Variants in GREB1 observed in about 807,000 individuals in gnomAD.
GREB1 encodes the protein growth regulating estrogen receptor binding 1.
A neutral mutation model predicts 200.7 loss-of-function variants in GREB1; 106 were observed. That is an observed-to-expected ratio of 0.53 (90% CI 0.45 to 0.62). The LOEUF (loss-of-function observed/expected upper bound fraction) is 0.62. Ranked by LOEUF, GREB1 falls within the 20% of genes least tolerant of loss-of-function variation. GREB1 has a pLI of 0.00. For missense variants in GREB1, 2,243 were observed against 2,556.8 expected, an observed-to-expected ratio of 0.88 and a Z score of 2.65; for synonymous variants, 1,132 against 1,092.4, an observed-to-expected ratio of 1.04 and a Z score of -0.72.
intron 11 of GREB1, among the ~76,000 whole-genome samples, chr2:11,593,415 C>G (rs1222712980): frequency 8.0e-6 from 1 of 124,228 alleles, no homozygotes; most frequent in African/African-American, 3.2e-5. Context: ...TCACTCACAC[C>G]AGGATGGCCC....
chr2:11,590,648 G>A (rs1042918028), intron 10 of GREB1, among the ~76,000 whole-genome samples: 7 of 152,108 alleles, frequency 4.6e-5, no homozygotes, highest in Non-Finnish European at 1.0e-4. Flanking sequence ...TTTATCTTTA[G>A]GCACCAGGAA....
chr2:11,547,975 A>C (rs948203815), intron 1 of GREB1, among the ~76,000 whole-genome samples: 2 of 152,134 alleles, frequency 1.3e-5, no homozygotes, highest in African/African-American at 2.4e-5. Context: ...TGAGCCGAGG[A>C]GTTTGAGACC....
At chr2:11,626,925 T>C in intron 24 of GREB1, 37 bp from the exon 25 acceptor site, 2 of 1,612,220 alleles carry the variant, frequency 1.2e-6, no homozygotes, top group East Asian at 4.5e-5. Flanking sequence ...TTTGCTTTGC[T>C]CCCTGCTGCT....
intron 11 of GREB1, among the ~76,000 whole-genome samples, chr2:11,594,029 G>C (rs775362337): frequency 5.9e-5 from 9 of 151,946 alleles, no homozygotes; most frequent in African/African-American, 2.2e-4. Flanking sequence ...TTTGAGACAG[G>C]GTCTTGCTTT....
rs571581050 is a variant in GREB1, at chr2:11,514,277, G to A, written c.-159+31896G>A. On this transcript the variant is annotated intron_variant, in intron 1 of 2. Coordinates refer to the GREB1 transcript ENST00000628795. ...TCTTTTAAACAACACTGCTCTGTAC[G>A]TATTACCATGTTACCTACGTAAATA... 6.6e-5 allele frequency among the ~76,000 whole-genome samples: 10 copies of A among 152,308 alleles called. No homozygotes were observed. The East Asian group carries it at 1.4e-3, about 21-fold the overall frequency.
intron 17 of GREB1, among the ~76,000 whole-genome samples, chr2:11,608,335 T>C (rs1022670133): frequency 6.6e-6 from 1 of 152,266 alleles, no homozygotes; most frequent in African/African-American, 2.4e-5. Context: ...TTAATTTTGC[T>C]GTCTGCAAAT....
chr2:11,637,779 A>G lies in GREB1; in HGVS notation c.5410A>G (p.Thr1804Ala), dbSNP rs1336456271. 21 of 1,614,048 alleles carry G rather than the reference A, an allele frequency of 1.3e-5. No homozygotes were observed. The highest frequency in any genetic ancestry group is 1.7e-5 in the Non-Finnish European group (20 of 1,180,004). The change falls in exon 31 of 33, where the codon ACG (threonine) becomes GCG (alanine). Residue 1804 changes from threonine (T) to alanine (A), a missense_variant. By Grantham distance (58) the Thr-to-Ala change is moderately conservative (BLOSUM62 0). This residue lies in a region of GREB1 where 478 missense variants were observed against 616.3 expected (regional missense o/e 0.78). Coordinates refer to ENST00000381486, the MANE Select transcript of GREB1 (RefSeq NM_014668.4). ...QYICAPDSKH[T>A]FLAAPAQLLL... ...CATCTGTGCCCCGGACAGCAAGCAC[A>G]CGTTCCTCGCAGCGCCCGCCCAGCT...
At position 11,587,687 on chromosome 2, in the gene GREB1, A is replaced by C. The variant is rs918848123; in HGVS notation, c.1160-1059A>C. 1.0e-5 allele frequency: 13 copies of C among 1,298,706 alleles called. No homozygotes were observed. The African/African-American group carries it at 1.8e-4, about 18-fold the overall frequency. 80.4% of individuals were successfully genotyped at this position (1,298,706 alleles called of 1,614,324 possible). On this transcript the variant is annotated intron_variant, in intron 9 of 32. Coordinates refer to ENST00000381486, the MANE Select transcript of GREB1 (RefSeq NM_014668.4). The stretch of plus-strand genomic sequence containing the variant: ...GGTGACTAAATGGAGTACCTGGAGT[A>C]CAAGATAACACACACACACACACAC...
intron 22 of GREB1, among the ~76,000 whole-genome samples, chr2:11,620,001 G>A (rs1485318703): frequency 2.6e-5 from 4 of 152,192 alleles, no homozygotes; most frequent in South Asian, 2.1e-4. Flanking sequence ...TTTTTCAGAC[G>A]GAGTCTCGCT....
intron 1 of GREB1, among the ~76,000 whole-genome samples, chr2:11,515,852 G>T (rs1295854927): frequency 2.6e-5 from 4 of 152,220 alleles, no homozygotes; most frequent in Non-Finnish European, 4.4e-5. Flanking sequence ...CCTAGGGGTA[G>T]AGTAAATTCT....
chr2:11,552,839 G>A lies in GREB1; in HGVS notation c.-161-3615G>A, dbSNP rs371976189. ...ATCCTGGCTAACACGGTGAAACCCC[G>A]TCTCTACTAAAAATACAAAAATTAG... On this transcript the variant is annotated intron_variant, in intron 1 of 32. Transcript: ENST00000381486. Among the ~76,000 whole-genome samples, 181 of 151,984 alleles carry A rather than the reference G, an allele frequency of 1.2e-3. 2 individuals carry two copies. Among genetic ancestry groups the A allele is most frequent in the African/African-American group, 3.5e-3 (146 of 41,410 alleles).
chr2:11,513,423 C>T (rs559415690), intron 1 of GREB1, among the ~76,000 whole-genome samples: 1 of 152,140 alleles, frequency 6.6e-6, no homozygotes, highest in Non-Finnish European at 1.5e-5. Context: ...TATCCGGGAG[C>T]AACACTCAAG....
intron 2 of GREB1, chr2:11,561,781 A>C: frequency 6.6e-6 from 1 of 152,340 alleles, no homozygotes; most frequent in South Asian, 2.1e-4. Flanking sequence ...GCCATTGACA[A>C]TGTGCCGTTT....
chr2:11,485,264 T>C (rs1672627693), intron 1 of GREB1, among the ~76,000 whole-genome samples: 1 of 105,674 alleles, frequency 9.5e-6, no homozygotes, highest in Middle Eastern at 4.5e-3. Context: ...TTATTTTATA[T>C]ATATATATGT....
At chr2:11,512,743 G>T (rs752857644) in intron 1 of GREB1, among the ~76,000 whole-genome samples, 3 of 152,240 alleles carry the variant, frequency 2.0e-5, no homozygotes, top group Non-Finnish European at 2.9e-5. Context: ...TCACACGGCT[G>T]TTGGAAGGCT....
chr2:11,640,822 G>A lies in GREB1; in HGVS notation c.*368G>A. On this transcript the variant is annotated 3_prime_UTR_variant, in exon 33 of 33. Coordinates refer to ENST00000381486, the MANE Select transcript of GREB1 (RefSeq NM_014668.4). This position sits in a 1 kb window ranked among gnomAD's most constrained non-coding sequence, Gnocchi z 4.6. ...GAATCTTGGGTTATTTTGTAGCGGT[G>A]CCAGTATTTCAGTAGATGGGATTTC... is the stretch of plus-strand genomic sequence containing the variant. 5.1e-6 allele frequency: 1 copy of A among 195,802 alleles called. No individual in the cohort carries two copies. Among genetic ancestry groups the A allele is most frequent in the South Asian group, 1.2e-4 (1 of 8,524 alleles). The allele number at this position is 195,802 out of a possible 1,614,324, so 12.1% of individuals were successfully genotyped here. A position where few individuals can be genotyped will look rare whatever the true frequency, so the allele number is the denominator to read the frequency against.
intron 1 of GREB1, among the ~76,000 whole-genome samples, chr2:11,496,513 C>G (rs1161589188): frequency 7.2e-6 from 1 of 139,414 alleles, no homozygotes; most frequent in Non-Finnish European, 1.6e-5. Flanking sequence ...CTTCCCCACC[C>G]CGCCCGCCCC....
rs1166611911 is a variant in GREB1, at chr2:11,588,904, C to T, written c.1318C>T (p.Leu440Phe). The T allele has an allele frequency of 2.5e-6, 4 of 1,614,086 alleles. No individual in the cohort carries two copies. The South Asian group carries it at 3.3e-5, about 13-fold the overall frequency. Residue 440 changes from leucine to phenylalanine, a missense_variant, in exon 10 of 33, where the codon CTT (leucine) becomes TTT (phenylalanine). Transcript: ENST00000381486. ...CATCTCCGAGGAGATGCAGCTCCTG[C>T]TTACCGTCTACTACCTGGTCCAGCT... ...QPISEEMQLL[L>F]TVYYLVQLAA...
intron 32 of GREB1, among the ~76,000 whole-genome samples, chr2:11,639,972 G>C (rs888010764): frequency 1.3e-5 from 2 of 152,086 alleles, no homozygotes; most frequent in Non-Finnish European, 2.9e-5. Flanking sequence ...GGGTATGTGA[G>C]CTACCGGCTG....
Sources: gnomAD v4.1 joint callset for allele counts (sites outside exome capture counted in the v4.1 genomes callset) on GRCh38, gnomAD v4.1.1 for gene constraint, gnomAD v4.1.1 regional missense constraint, Gnocchi (gnomAD v3.1) non-coding constraint, MANE v1.5 for transcripts, NCBI Gene and HGNC (gene_info 2026-07-23, HGNC 2026-07-21) for gene names.